FER1L6: variants seen among roughly 807,000 people sequenced by gnomAD.
The protein encoded by FER1L6 is fer-1 like family member 6.
A neutral mutation model predicts 219.2 loss-of-function variants in FER1L6; 177 were observed. The observed-to-expected ratio is 0.81, with a 90% confidence interval of 0.71 to 0.91. The LOEUF (loss-of-function observed/expected upper bound fraction) is 0.91, where lower values mean the gene tolerates loss of function less well. FER1L6 is among the 40% of genes least tolerant of loss of function. The probability of loss-of-function intolerance (pLI) is 0.00; values close to 1 mark genes in which losing one functional copy is unlikely to be tolerated. For missense variants in FER1L6, 2,153 were observed against 2,259.9 expected, an observed-to-expected ratio of 0.95 and a Z score of 0.96; for synonymous variants, 768 against 824.3, an observed-to-expected ratio of 0.93 and a Z score of 1.17.
In FER1L6 at chr8:123,967,313, G is replaced by C. The variant is rs117292652; in HGVS notation, c.384+1023G>C. ...CAAATGGTAGCATTCTATACACACT[G>C]TTCTGGACTCTTCACAAAACAATGT... On this transcript the variant is annotated intron_variant, in intron 5 of 40. Transcript: ENST00000522917. Among the ~76,000 whole-genome samples, 736 of 152,220 alleles carry C rather than the reference G, an allele frequency of 4.8e-3. 1 individual carries two copies. Among genetic ancestry groups the C allele is most frequent in the Middle Eastern group, 0.01 (3 of 294 alleles).
At chr8:123,871,747 G>A (rs1181903649) in intron 1 of FER1L6, among the ~76,000 whole-genome samples, 1 of 152,148 alleles carries the variant, frequency 6.6e-6, no homozygotes, top group Non-Finnish European at 1.5e-5. Flanking sequence ...AATGAGTACA[G>A]TATGGTAAGG....
intron 21 of FER1L6, among the ~76,000 whole-genome samples, chr8:124,049,341 T>C (rs923777866): frequency 6.6e-6 from 1 of 152,130 alleles, no homozygotes; most frequent in African/African-American, 2.4e-5. Context: ...CTACCGCGCC[T>C]GTATGACCCT....
At chr8:124,093,508 T>C (rs1043469190) in intron 34 of FER1L6, among the ~76,000 whole-genome samples, 1 of 152,178 alleles carries the variant, frequency 6.6e-6, no homozygotes, top group South Asian at 2.1e-4. Flanking sequence ...AGAAACCCAT[T>C]GAAGGTTCTT....
At chr8:123,921,032 T>C (rs1376205119) in intron 1 of FER1L6, among the ~76,000 whole-genome samples, 1 of 152,240 alleles carries the variant, frequency 6.6e-6, no homozygotes, top group Non-Finnish European at 1.5e-5. Flanking sequence ...AAGATTTCCT[T>C]CATTGTTATA....
rs1198931558 is a variant in FER1L6, at chr8:123,966,251, C to T, written c.345C>T (p.Ser115=). 1 of 1,614,152 alleles carries T rather than the reference C, an allele frequency of 6.2e-7. No individual in the cohort carries two copies. Among genetic ancestry groups the T allele is most frequent in the East Asian group, 2.2e-5 (1 of 44,878 alleles). Residue 115 remains serine, a synonymous_variant, in exon 5 of 41, where the codon AGC becomes AGT. Transcript: ENST00000522917. ...AGATTGGGGATGAGAAGAAGCAAAG[C>T]ACAGTGAAGGAAGGAACCAACAGCC... ...TIEIGDEKKQ[S]TVKEGTNSPF...
rs746744523 is a variant in FER1L6 at position 124,091,463 on chromosome 8, G to A, written c.4432G>A (p.Glu1478Lys). The change falls in exon 34 of 41, where the codon GAA becomes AAA. Residue 1478 changes from glutamate (E) to lysine (K), a missense_variant. By Grantham distance (56) the Glu-to-Lys change is moderately conservative (BLOSUM62 1). Coordinates refer to ENST00000522917, the MANE Select transcript of FER1L6 (RefSeq NM_001039112.2). ...NAWRDTSKPT[E>K]ILTKLCKDNK... ...CTGGAGAGACACGTCCAAACCCACCGAAATCCTCACTAAGCTCTGCAAAGA... is the reference window on the plus strand; with the variant it reads ...CTGGAGAGACACGTCCAAACCCACCAAAATCCTCACTAAGCTCTGCAAAGA... The A allele has an allele frequency of 1.1e-5, 17 of 1,613,868 alleles. No individual in the cohort carries two copies. The Admixed American group carries it at 2.2e-4, about 21-fold the overall frequency.
At chr8:124,063,753 G>A (rs755088605) in intron 25 of FER1L6, among the ~76,000 whole-genome samples, 16 of 152,174 alleles carry the variant, frequency 1.1e-4, no homozygotes, top group Non-Finnish European at 1.8e-4. Flanking sequence ...GGCAGCCATG[G>A]GGGTACCGAA....
chr8:124,076,413 T>G, intron 32 of FER1L6, 88 bp downstream of exon 32: 1 of 1,311,112 alleles, frequency 7.6e-7, no homozygotes. Flanking sequence ...TATGTTTGTG[T>G]TCCTGGGTGA....
intron 37 of FER1L6, among the ~76,000 whole-genome samples, chr8:124,098,223 T>C (rs1298239298): frequency 5.9e-5 from 9 of 152,340 alleles, no homozygotes; most frequent in Admixed American, 2.0e-4. Context: ...ATTAATATGT[T>C]GAACAGATTG....
rs1190424889 is a variant in FER1L6, at chr8:123,905,195, A to G, written c.-7-50797A>G. ...ACTATCAACCCATCAGCTAGATATTAAGTCCCACATGCATTATCTATTTAT... is the reference window on the plus strand; with the variant it reads ...ACTATCAACCCATCAGCTAGATATTGAGTCCCACATGCATTATCTATTTAT... On this transcript the variant is annotated intron_variant, in intron 1 of 40. Transcript: ENST00000522917. 2.0e-5 allele frequency among the ~76,000 whole-genome samples: 3 copies of G among 152,154 alleles called. No homozygotes were observed. The East Asian group carries it at 5.8e-4, about 29-fold the overall frequency.
At chr8:123,911,356 C>T (rs1007069549) in intron 1 of FER1L6, among the ~76,000 whole-genome samples, 1 of 152,118 alleles carries the variant, frequency 6.6e-6, no homozygotes, top group African/African-American at 2.4e-5. Flanking sequence ...ATAATAGTGA[C>T]AATGGTAATA....
At chr8:124,053,217 G>A (rs907165336) in intron 22 of FER1L6, among the ~76,000 whole-genome samples, 5 of 152,170 alleles carry the variant, frequency 3.3e-5, no homozygotes, top group African/African-American at 1.2e-4. Context: ...AGCTGTCTGG[G>A]TTCTGTAGCC....
rs368097219 is a variant in FER1L6 at position 123,975,912 on chromosome 8, C to T, written c.698C>T (p.Pro233Leu). 128 of 1,600,740 alleles carry T rather than the reference C, an allele frequency of 8.0e-5. 4 individuals are homozygous for T. The highest frequency in any genetic ancestry group is 4.9e-4 in the East Asian group (22 of 44,446). Residue 233 changes from proline (P) to leucine (L), a missense_variant, in exon 9 of 41, where the codon CCC becomes CTC. Pro to Leu is a moderately conservative substitution (Grantham distance 98, BLOSUM62 -3). Coordinates refer to ENST00000522917, the MANE Select transcript of FER1L6 (RefSeq NM_001039112.2). ...CTCCCTCTAAGGAACCTTTTGATCC[C>T]CAATGGGTTTCCACTGGAGAGACCG... ...EEPIEKNLLIPNGFPLERPWA... is the reference protein window; with the variant it reads ...EEPIEKNLLILNGFPLERPWA...
intron 16 of FER1L6, 90 bp from the exon 17 acceptor site, chr8:124,021,460 C>T: frequency 6.4e-7 from 1 of 1,557,046 alleles, no homozygotes; most frequent in Non-Finnish European, 8.8e-7. Context: ...GTGTGGAGCT[C>T]ACCAGGACCT....
chr8:123,932,146 T>TAGCCC (rs1221983078), intron 1 of FER1L6, among the ~76,000 whole-genome samples: 2 of 152,214 alleles, frequency 1.3e-5, no homozygotes, highest in Non-Finnish European at 2.9e-5. Context: ...TCTCGCTCTA[T>TAGCCC]AGCCCAGGCT....
In FER1L6 at chr8:123,956,033, A is replaced by C; in HGVS notation, c.35A>C (p.Lys12Thr). The change falls in exon 2 of 41, where the codon AAG becomes ACG. Residue 12 changes from lysine (K) to threonine (T), a missense_variant. Coordinates refer to ENST00000522917, the MANE Select transcript of FER1L6 (RefSeq NM_001039112.2). ...FGLKVKKKRNKAEKGLILANK... is the reference protein window; with the variant it reads ...FGLKVKKKRNTAEKGLILANK... The stretch of plus-strand genomic sequence containing the variant: ...CTGAAGGTGAAGAAGAAGAGAAATA[A>C]GGCAGAGAAGGGGTTAATCCTAGCC... The C allele has an allele frequency of 1.2e-6, 2 of 1,612,356 alleles. No individual in the cohort carries two copies. Among genetic ancestry groups the C allele is most frequent in the Non-Finnish European group, 1.7e-6 (2 of 1,179,490 alleles).
At chr8:123,973,322 G>C in intron 6 of FER1L6, 112 bp from the exon 7 acceptor site, 1 of 802,702 alleles carries the variant, frequency 1.2e-6, no homozygotes, top group Non-Finnish European at 2.2e-6. Context: ...ACAGCCTTGT[G>C]GTTTGATGGC....
At chr8:124,000,776 C>T (rs1817371123) in intron 12 of FER1L6, among the ~76,000 whole-genome samples, 2 of 152,152 alleles carry the variant, frequency 1.3e-5, no homozygotes, top group South Asian at 2.1e-4. Context: ...TCAGGAAGCT[C>T]TCTTTCAACA....
chr8:123,920,649 C>G (rs1038116495), intron 1 of FER1L6, among the ~76,000 whole-genome samples: 14 of 152,176 alleles, frequency 9.2e-5, no homozygotes, highest in Non-Finnish European at 1.3e-4. Context: ...GGGGCCTCTC[C>G]CTACTCAGGG....
Sources: gnomAD v4.1 joint callset for allele counts (sites outside exome capture counted in the v4.1 genomes callset) on GRCh38, gnomAD v4.1.1 for gene constraint, MANE v1.5 for transcripts, NCBI Gene and HGNC (gene_info 2026-07-23, HGNC 2026-07-21) for gene names.